The following TATDN1 variants were observed in gnomAD, a reference collection of about 807,000 sequenced individuals.
TATDN1 encodes the protein deoxyribonuclease TATDN1.
A neutral mutation model predicts 46.4 loss-of-function variants in TATDN1; 40 were observed. That is an observed-to-expected ratio of 0.86 (90% CI 0.67 to 1.12). TATDN1 has a LOEUF of 1.12. TATDN1 is among the 50% of genes most tolerant of loss of function. TATDN1 has a pLI of 0.00. For synonymous variants in TATDN1, 95 were observed against 105.6 expected, an observed-to-expected ratio of 0.90 and a Z score of 0.62; for missense variants, 326 against 348.4, an observed-to-expected ratio of 0.94 and a Z score of 0.51.
rs760539986 is a variant in TATDN1 at position 124,518,923 on chromosome 8, C to A, written c.139-42G>T. 8 of 1,310,304 alleles carry A rather than the reference C, an allele frequency of 6.1e-6. No individual in the cohort carries two copies. The South Asian group carries it at 9.9e-5, about 16-fold the overall frequency. 81.2% of individuals were successfully genotyped at this position (1,310,304 alleles called of 1,614,324 possible). A position where few individuals can be genotyped will look rare whatever the true frequency, so the allele number is the denominator to read the frequency against. On this transcript the variant is annotated intron_variant, in intron 3 of 11. Transcript: ENST00000276692. ...ATAAAATAAGCTGACTTTAATAGGG[C>A]AGCAATAACAGTTTCCTAAACATGC... is the stretch of plus-strand genomic sequence containing the variant.
At chr8:124,501,299 C>T (rs1817941607) in intron 9 of TATDN1, among the ~76,000 whole-genome samples, 2 of 152,180 alleles carry the variant, frequency 1.3e-5, no homozygotes, top group Non-Finnish European at 2.9e-5. Flanking sequence ...GAAACTGAAC[C>T]AACCCAGAAA....
chr8:124,538,641 T>TC (rs1179760146), intron 1 of TATDN1, among the ~76,000 whole-genome samples: 1 of 152,106 alleles, frequency 6.6e-6, no homozygotes, highest in Non-Finnish European at 1.5e-5. Context: ...AGTGAATTGG[T>TC]CCCCAGAAGC....
intron 3 of TATDN1, among the ~76,000 whole-genome samples, chr8:124,519,493 A>C (rs1183606015): frequency 6.6e-6 from 1 of 152,130 alleles, no homozygotes; most frequent in Non-Finnish European, 1.5e-5. Flanking sequence ...TCATGTTGCT[A>C]ATTTTTTTGT....
At chr8:124,493,274 CTGTT>C (rs928062169) in intron 11 of TATDN1, among the ~76,000 whole-genome samples, 26 of 152,216 alleles carry the variant, frequency 1.7e-4, no homozygotes, top group African/African-American at 3.1e-4. Context: ...TTTAAATTAT[CTGTT>C]TGTGCAAACA....
intron 9 of TATDN1, among the ~76,000 whole-genome samples, chr8:124,497,132 T>C (rs1008362192): frequency 1.3e-5 from 2 of 152,200 alleles, no homozygotes; most frequent in African/African-American, 2.4e-5. Context: ...AGTCTCAACT[T>C]ATTAAAATCT....
At chr8:124,500,844 A>G (rs1056393700) in intron 9 of TATDN1, among the ~76,000 whole-genome samples, 1 of 152,162 alleles carries the variant, frequency 6.6e-6, no homozygotes, top group African/African-American at 2.4e-5. Context: ...AAATCACAAC[A>G]TATAGCTGAA....
At chr8:124,525,752 T>C (rs1209435943) in intron 1 of TATDN1, among the ~76,000 whole-genome samples, 1 of 152,204 alleles carries the variant, frequency 6.6e-6, no homozygotes. Context: ...TGGTTAAGGC[T>C]CCCGATCCAA....
intron 8 of TATDN1, among the ~76,000 whole-genome samples, chr8:124,507,647 G>A (rs946681657): frequency 1.3e-5 from 2 of 152,028 alleles, no homozygotes; most frequent in Non-Finnish European, 2.9e-5. Context: ...AGCTGGCCAT[G>A]GTGGCACATG....
chr8:124,504,789 C>G (rs1818270278), intron 8 of TATDN1: 1 of 151,412 alleles, frequency 6.6e-6, no homozygotes, highest in African/African-American at 2.4e-5. Context: ...TCTTGTTGCC[C>G]AGGCTGGGGT....
At chr8:124,532,086 G>C (rs1821014273) in intron 1 of TATDN1, among the ~76,000 whole-genome samples, 1 of 147,936 alleles carries the variant, frequency 6.8e-6, no homozygotes, top group Non-Finnish European at 1.5e-5. Flanking sequence ...AGCAAGGGGG[G>C]GAGGAGGAGG....
intron 8 of TATDN1, 89 bp downstream of exon 8, chr8:124,508,385 G>T: frequency 2.6e-6 from 3 of 1,146,142 alleles, no homozygotes; most frequent in Non-Finnish European, 3.8e-6. Context: ...AAAAGGTTCA[G>T]ATTTTGGAGC....
intron 3 of TATDN1, among the ~76,000 whole-genome samples, chr8:124,519,175 A>G (rs867623333): frequency 2.0e-5 from 3 of 152,240 alleles, no homozygotes; most frequent in Non-Finnish European, 4.4e-5. Context: ...TTCCTTGAGG[A>G]CAGAGATCAG....
chr8:124,508,042 A>G (rs973838618), intron 8 of TATDN1, among the ~76,000 whole-genome samples: 3 of 152,192 alleles, frequency 2.0e-5, no homozygotes, highest in Middle Eastern at 3.2e-3. Context: ...TTTTTAAAAA[A>G]AATTTAAATG....
At chr8:124,536,974 G>A (rs966589567) in intron 1 of TATDN1, among the ~76,000 whole-genome samples, 8 of 151,954 alleles carry the variant, frequency 5.3e-5, no homozygotes, top group Admixed American at 2.6e-4. Flanking sequence ...AATTAGGGAA[G>A]GCTATACTTC....
intron 8 of TATDN1, among the ~76,000 whole-genome samples, chr8:124,505,918 T>A (rs1818366714): frequency 6.6e-6 from 1 of 151,546 alleles, no homozygotes; most frequent in South Asian, 2.1e-4. Flanking sequence ...TCATAAACCA[T>A]TTCAGAAAAC....
intron 10 of TATDN1, 94 bp downstream of exon 10, chr8:124,495,378 G>T: frequency 1.1e-6 from 1 of 881,566 alleles, no homozygotes; most frequent in Non-Finnish European, 1.8e-6. Flanking sequence ...TAAAATACTT[G>T]TTCACTTAAA....
intron 10 of TATDN1, chr8:124,495,166 T>C: frequency 2.9e-6 from 1 of 349,494 alleles, no homozygotes. Context: ...AACTTGGAAG[T>C]GTGATGTGCT....
chr8:124,488,822 A>AT, intron 11 of TATDN1, 126 bp from the exon 12 acceptor site: 1 of 652,398 alleles, frequency 1.5e-6, no homozygotes, highest in Non-Finnish European at 2.7e-6. Context: ...CTTAACAGTT[A>AT]TTAAGTTTTT....
intron 1 of TATDN1, among the ~76,000 whole-genome samples, chr8:124,534,174 A>AAAAAAG (rs1821231763): frequency 6.8e-6 from 1 of 147,912 alleles, no homozygotes; most frequent in Non-Finnish European, 1.5e-5. Context: ...AAAAAAAAAA[A>AAAAAAG]AAAAAGAAAT....
Sources: allele counts gnomAD v4.1 joint callset (sites outside exome capture counted in the v4.1 genomes callset), GRCh38; gene constraint gnomAD v4.1.1; transcripts MANE v1.5; gene names NCBI Gene and HGNC (gene_info 2026-07-23, HGNC 2026-07-21).